SLC25A31: variants seen among roughly 807,000 people sequenced by gnomAD.
SLC25A31 encodes solute carrier family 25 member 31, also known as ADP/ATP translocase 4.
In SLC25A31, 40 loss-of-function variants were observed where a neutral mutation model predicts 36.2. The observed-to-expected ratio is 1.10, with a 90% CI of 0.86 to 1.44. The LOEUF (loss-of-function observed/expected upper bound fraction) is 1.44. Ranked by LOEUF, SLC25A31 falls within the 40% of genes most tolerant of loss-of-function variation. The pLI, the probability that SLC25A31 is intolerant of heterozygous loss-of-function variation, is 0.00. For missense variants in SLC25A31, 350 were observed against 397.1 expected (o/e 0.88, Z 1.01); for synonymous variants, 143 against 149.7 (o/e 0.96, Z 0.32).
chr4:127,748,002 C>T lies in SLC25A31; in HGVS notation c.360+3203C>T, dbSNP rs574681009. Reference sequence around the variant, plus strand: ...AGAATACTTACTTCCCAAGAACATACGACAACACGTGATGTGTTGCCACAG... The same window carrying T: ...AGAATACTTACTTCCCAAGAACATATGACAACACGTGATGTGTTGCCACAG... On this transcript the variant is annotated intron_variant, in intron 2 of 5. Transcript: ENST00000281154. 1.3e-4 allele frequency among the ~76,000 whole-genome samples: 20 copies of T among 152,296 alleles called. No homozygotes were observed. The East Asian group carries it at 3.1e-3, about 24-fold the overall frequency.
chr4:127,770,879 C>CTCT (rs984319780), intron 5 of SLC25A31, among the ~76,000 whole-genome samples: 5 of 151,620 alleles, frequency 3.3e-5, no homozygotes, highest in Non-Finnish European at 7.4e-5. Flanking sequence ...CTGAAGACCT[C>CTCT]TCTCCTTGTC....
intron 1 of SLC25A31, among the ~76,000 whole-genome samples, chr4:127,733,140 C>A (rs1731561117): frequency 6.6e-6 from 1 of 152,118 alleles, no homozygotes; most frequent in Non-Finnish European, 1.5e-5. Flanking sequence ...TCCAGTAATG[C>A]AGCTACCATA....
chr4:127,743,409 T>TA (rs2148755663), intron 1 of SLC25A31, among the ~76,000 whole-genome samples: 1 of 152,338 alleles, frequency 6.6e-6, no homozygotes, highest in East Asian at 1.9e-4. Flanking sequence ...GTGCTGGAAT[T>TA]ACAGGCGTGA....
At chr4:127,756,160 T>G (rs1732028044) in intron 2 of SLC25A31, among the ~76,000 whole-genome samples, 1 of 152,336 alleles carries the variant, frequency 6.6e-6, no homozygotes, top group African/African-American at 2.4e-5. Flanking sequence ...TATTGCAGCA[T>G]TATTCACAAT....
At chr4:127,764,615 C>G (rs1732205082) in intron 3 of SLC25A31, among the ~76,000 whole-genome samples, 1 of 151,488 alleles carries the variant, frequency 6.6e-6, no homozygotes, top group Non-Finnish European at 1.5e-5. Context: ...TTTTTTTTTC[C>G]TAGAAAGCCC....
Position 127,730,557 on chromosome 4 carries a change from G to A in SLC25A31, c.12G>A (p.Glu4=), listed in dbSNP as rs2148750225. 2 of 1,613,826 alleles carry A rather than the reference G, an allele frequency of 1.2e-6. No homozygotes were observed. Among genetic ancestry groups the A allele is most frequent in the East Asian group, 2.2e-5 (1 of 44,866 alleles). Reference sequence around the variant, plus strand: ...TATCCTTCTCCATCATGCATCGTGAGCCTGCGAAAAAGAAGGCAGAAAAGC... The same window carrying A: ...TATCCTTCTCCATCATGCATCGTGAACCTGCGAAAAAGAAGGCAGAAAAGC... MHR[E]PAKKKAEKRL... The change falls in exon 1 of 6, where the codon GAG becomes GAA. Residue 4 remains glutamate (E), a synonymous_variant. Coordinates refer to ENST00000281154, the MANE Select transcript of SLC25A31 (RefSeq NM_031291.4).
chr4:127,735,892 A>C (rs11098935), intron 1 of SLC25A31, among the ~76,000 whole-genome samples: 1 of 38,682 alleles, frequency 2.6e-5, no homozygotes, highest in Non-Finnish European at 5.2e-5. Context: ...TTATTTATTT[A>C]TTTATTTTTT....
At chr4:127,756,706 TA>T (rs1224690319) in intron 2 of SLC25A31, among the ~76,000 whole-genome samples, 2 of 152,296 alleles carry the variant, frequency 1.3e-5, no homozygotes, top group Admixed American at 1.3e-4. Context: ...ATTTGTCAAC[TA>T]AAAAAATTTT....
At chr4:127,735,876 A>ATTTTTTT (rs1560630392) in intron 1 of SLC25A31, among the ~76,000 whole-genome samples, 2 of 73,758 alleles carry the variant, frequency 2.7e-5, no homozygotes, top group African/African-American at 9.5e-5. Flanking sequence ...TATTTTATTT[A>ATTTTTTT]TTTATTTATT....
At position 127,730,536 on chromosome 4, in the gene SLC25A31, C is replaced by T. The variant is rs567137551; in HGVS notation, c.-10C>T. On this transcript the variant is annotated 5_prime_UTR_variant, in exon 1 of 6. Coordinates refer to ENST00000281154, the MANE Select transcript of SLC25A31 (RefSeq NM_031291.4). ...AGCCACTGCTGCCGGTTTTTATATC[C>T]TTCTCCATCATGCATCGTGAGCCTG... is the stretch of plus-strand genomic sequence containing the variant. The T allele has an allele frequency of 1.8e-4, 286 of 1,610,242 alleles. No individual in the cohort carries two copies. The South Asian group carries it at 3.0e-3, about 17-fold the overall frequency.
intron 1 of SLC25A31, among the ~76,000 whole-genome samples, chr4:127,736,812 G>T (rs1482425910): frequency 6.6e-6 from 1 of 152,202 alleles, no homozygotes; most frequent in South Asian, 2.1e-4. Flanking sequence ...TAATGTGTAT[G>T]TGTGTGTTCC....
Position 127,773,701 on chromosome 4 carries a change from A to AT in SLC25A31, c.*127_*128insT, listed in dbSNP as rs1378704577. 1.5e-6 allele frequency: 1 copy of AT among 687,536 alleles called. No individual in the cohort carries two copies. The highest frequency in any genetic ancestry group is 2.1e-6 in the Non-Finnish European group (1 of 467,898). 42.6% of individuals were successfully genotyped at this position (687,536 alleles called of 1,614,324 possible). ...TGTTAAAGTGCTAGTTCTGCAATAAAGCATACATTTTTTCAAGAATTTAAA... is the reference window on the plus strand; with the variant it reads ...TGTTAAAGTGCTAGTTCTGCAATAAATGCATACATTTTTTCAAGAATTTAAA... On this transcript the variant is annotated 3_prime_UTR_variant, in exon 6 of 6. Transcript: ENST00000281154.
chr4:127,760,330 C>G (rs1732103657), intron 2 of SLC25A31, among the ~76,000 whole-genome samples: 1 of 152,194 alleles, frequency 6.6e-6, no homozygotes, highest in South Asian at 2.1e-4. Flanking sequence ...ACTGAATCTT[C>G]ACTTCACTCT....
chr4:127,755,788 CT>C (rs1732018215), intron 2 of SLC25A31, among the ~76,000 whole-genome samples: 1 of 152,196 alleles, frequency 6.6e-6, no homozygotes, highest in African/African-American at 2.4e-5. Flanking sequence ...AATCCCAGCA[CT>C]TTGATAGGCC....
chr4:127,768,823 C>T lies in SLC25A31; in HGVS notation c.705C>T (p.Cys235=), dbSNP rs1482452750. 1 of 1,608,150 alleles carries T rather than the reference C, an allele frequency of 6.2e-7. No homozygotes were observed. The highest frequency in any genetic ancestry group is 1.7e-5 in the Admixed American group (1 of 59,394). Residue 235 remains cysteine (C), a synonymous_variant, in exon 5 of 6, where the codon TGC becomes TGT. Coordinates refer to ENST00000281154, the MANE Select transcript of SLC25A31 (RefSeq NM_031291.4). Reference sequence around the variant, plus strand: ...TCATTGCTCAAGTTGTGACTACATGCTCTGGAATACTTTCTTATCCCTTTG... The same window carrying T: ...TCATTGCTCAAGTTGTGACTACATGTTCTGGAATACTTTCTTATCCCTTTG... ...SFFIAQVVTT[C]SGILSYPFDT...
intron 2 of SLC25A31, among the ~76,000 whole-genome samples, chr4:127,763,477 C>T (rs1195160101): frequency 2.0e-5 from 3 of 152,112 alleles, no homozygotes; most frequent in African/African-American, 7.2e-5. Flanking sequence ...CATAACAGCT[C>T]CAATTCAGAT....
intron 1 of SLC25A31, among the ~76,000 whole-genome samples, chr4:127,733,786 A>T (rs1731573886): frequency 6.6e-6 from 1 of 152,148 alleles, no homozygotes; most frequent in African/African-American, 2.4e-5. Flanking sequence ...TCTTTAGGCC[A>T]TGTGAAATGA....
chr4:127,759,501 T>C (rs752825080), intron 2 of SLC25A31, among the ~76,000 whole-genome samples: 1 of 152,158 alleles, frequency 6.6e-6, no homozygotes. Flanking sequence ...TTCACCACTA[T>C]GTTGAATAGA....
intron 2 of SLC25A31, among the ~76,000 whole-genome samples, chr4:127,757,040 A>G (rs1226017716): frequency 6.6e-6 from 1 of 152,230 alleles, no homozygotes; most frequent in Non-Finnish European, 1.5e-5. Context: ...CTTTTCTTAG[A>G]ATAGGCAAAA....
Sources: allele counts gnomAD v4.1 joint callset (sites outside exome capture counted in the v4.1 genomes callset), GRCh38; gene constraint gnomAD v4.1.1; transcripts MANE v1.5; gene names NCBI Gene and HGNC (gene_info 2026-07-23, HGNC 2026-07-21).